The following ARF6 variants were observed in gnomAD, a reference collection of about 807,000 sequenced individuals.
The protein encoded by ARF6 is ADP-ribosylation factor 6.
For synonymous variants in ARF6, 127 were observed against 95.5 expected, an observed-to-expected ratio of 1.33 and a Z score of -1.92; for missense variants, 75 against 232.0, an observed-to-expected ratio of 0.32 and a Z score of 4.40.
rs183371046 is a variant in ARF6, at chr14:49,895,196, G to C, written c.*932G>C. 1.2e-5 allele frequency: 2 copies of C among 167,010 alleles called. No homozygotes were observed. Among genetic ancestry groups the C allele is most frequent in the African/African-American group, 2.4e-5 (1 of 41,570 alleles). The allele number at this position is 167,010 out of a possible 1,614,324, so 10.3% of individuals were successfully genotyped here. A position where few individuals can be genotyped will look rare whatever the true frequency, so the allele number is the denominator to read the frequency against. ...AGCAATAATGGTGTTACCACACACA[G>C]ATTAAATAATTTGTAGATATTTTAA... On this transcript the variant is annotated 3_prime_UTR_variant, in exon 2 of 2. Transcript: ENST00000298316.
chr14:49,894,338 T>C lies in ARF6; in HGVS notation c.*74T>C. ...TCATAGGATTATCGCCACCATCACC[T>C]CTTTCAATTGCCACTTTCTCTTCTT... On this transcript the variant is annotated 3_prime_UTR_variant, in exon 2 of 2. Coordinates refer to ENST00000298316, the MANE Select transcript of ARF6 (RefSeq NM_001663.4). The C allele has an allele frequency of 7.2e-7, 1 of 1,394,476 alleles. No homozygotes were observed. Among genetic ancestry groups the C allele is most frequent in the East Asian group, 2.5e-5 (1 of 39,950 alleles). 86.4% of individuals were successfully genotyped at this position (1,394,476 alleles called of 1,614,324 possible).
rs1306896309 is a variant in ARF6 at position 49,894,096 on chromosome 14, C to T, written c.360C>T (p.Phe120=). 3 of 1,614,030 alleles carry T rather than the reference C, an allele frequency of 1.9e-6. No homozygotes were observed. Among genetic ancestry groups the T allele is most frequent in the East Asian group, 2.2e-5 (1 of 44,886 alleles). ...REMRDAIILI[F]ANKQDLPDAM... is the part of the protein sequence containing the mutation. Reference sequence around the variant, plus strand: ...TGAGGGACGCCATAATCCTCATCTTCGCCAACAAGCAGGACCTGCCCGATG... The same window carrying T: ...TGAGGGACGCCATAATCCTCATCTTTGCCAACAAGCAGGACCTGCCCGATG... Residue 120 remains phenylalanine (F), a synonymous_variant, in exon 2 of 2, where the codon TTC becomes TTT. Transcript: ENST00000298316.
chr14:49,895,853 G>A lies in ARF6; in HGVS notation c.*1589G>A, dbSNP rs765686676. The stretch of plus-strand genomic sequence containing the variant: ...TAAAGCAGCATCTGGTTCCTATATA[G>A]CCTTAAGGATTAATTTTAGTGATCC... On this transcript the variant is annotated 3_prime_UTR_variant, in exon 2 of 2. Coordinates refer to ENST00000298316, the MANE Select transcript of ARF6 (RefSeq NM_001663.4). 2 of 166,844 alleles carry A rather than the reference G, an allele frequency of 1.2e-5. No homozygotes were observed. Among genetic ancestry groups the A allele is most frequent in the Admixed American group, 1.3e-4 (2 of 15,272 alleles). 10.3% of individuals were successfully genotyped at this position (166,844 alleles called of 1,614,324 possible).
rs1320837521 is a variant in ARF6 at position 49,896,954 on chromosome 14, T to A, written c.*2690T>A. On this transcript the variant is annotated 3_prime_UTR_variant, in exon 2 of 2. Coordinates refer to ENST00000298316, the MANE Select transcript of ARF6 (RefSeq NM_001663.4). ...AAGTAAATGAGTCTGTAGACTGTGA[T>A]CTCCCCAAACTAAAAAGTACAGTAC... The A allele has an allele frequency of 6.0e-6, 1 of 167,074 alleles. No individual in the cohort carries two copies. Among genetic ancestry groups the A allele is most frequent in the Non-Finnish European group, 1.5e-5 (1 of 68,100 alleles). The allele number at this position is 167,074 out of a possible 1,614,324, so 10.3% of individuals were successfully genotyped here.
In ARF6 at chr14:49,893,684, G is replaced by T. The variant is rs1894480934; in HGVS notation, c.-53G>T. Reference sequence around the variant, plus strand: ...TTTCGCGGCGGCGGCGGCGTTGTTGGCTGAGGGGACCCGGGACACCTGAAT... The same window carrying T: ...TTTCGCGGCGGCGGCGGCGTTGTTGTCTGAGGGGACCCGGGACACCTGAAT... On this transcript the variant is annotated 5_prime_UTR_variant, in exon 2 of 2. Coordinates refer to ENST00000298316, the MANE Select transcript of ARF6 (RefSeq NM_001663.4). 7.6e-6 allele frequency: 12 copies of T among 1,578,648 alleles called. No individual in the cohort carries two copies. The South Asian group carries it at 1.4e-4, about 18-fold the overall frequency.
chr14:49,894,295 G>A lies in ARF6; in HGVS notation c.*31G>A, dbSNP rs757165904. The A allele has an allele frequency of 1.2e-5, 19 of 1,558,634 alleles. No individual in the cohort carries two copies. Among genetic ancestry groups the A allele is most frequent in the Middle Eastern group, 1.7e-4 (1 of 5,842 alleles). On this transcript the variant is annotated 3_prime_UTR_variant, in exon 2 of 2. Transcript: ENST00000298316. ...ATTCTCCACCCATCCCCTGGAAGGA[G>A]AGAAATCAAAAACCCATTCATAGGA...
In ARF6 at chr14:49,893,706, G is replaced by T. The variant is rs1894481510; in HGVS notation, c.-31G>T. On this transcript the variant is annotated 5_prime_UTR_variant, in exon 2 of 2. Coordinates refer to ENST00000298316, the MANE Select transcript of ARF6 (RefSeq NM_001663.4). ...TTGGCTGAGGGGACCCGGGACACCTGAATGCCCCCGGCCCCGGCTCCTCCG... is the reference window on the plus strand; with the variant it reads ...TTGGCTGAGGGGACCCGGGACACCTTAATGCCCCCGGCCCCGGCTCCTCCG... The T allele has an allele frequency of 6.3e-7, 1 of 1,599,108 alleles. No homozygotes were observed. The highest frequency in any genetic ancestry group is 8.6e-7 in the Non-Finnish European group (1 of 1,169,250).
At position 49,895,166 on chromosome 14, in the gene ARF6, A is replaced by AT. The variant is rs1366141031; in HGVS notation, c.*904dup. 1.2e-5 allele frequency: 2 copies of AT among 166,940 alleles called. No individual in the cohort carries two copies. The highest frequency in any genetic ancestry group is 4.8e-5 in the African/African-American group (2 of 41,456). The allele number at this position is 166,940 out of a possible 1,614,324, so 10.3% of individuals were successfully genotyped here. On this transcript the variant is annotated 3_prime_UTR_variant, in exon 2 of 2. Coordinates refer to ENST00000298316, the MANE Select transcript of ARF6 (RefSeq NM_001663.4). ...CTTTGAAAATAGACTCTTTCCAGAAATTGGAGCAATAATGGTGTTACCACA... is the reference window on the plus strand; with the variant it reads ...CTTTGAAAATAGACTCTTTCCAGAAATTTGGAGCAATAATGGTGTTACCACA...
Position 49,895,853 on chromosome 14 carries a change from G to C in ARF6, c.*1589G>C, listed in dbSNP as rs765686676. On this transcript the variant is annotated 3_prime_UTR_variant, in exon 2 of 2. Transcript: ENST00000298316. Reference sequence around the variant, plus strand: ...TAAAGCAGCATCTGGTTCCTATATAGCCTTAAGGATTAATTTTAGTGATCC... The same window carrying C: ...TAAAGCAGCATCTGGTTCCTATATACCCTTAAGGATTAATTTTAGTGATCC... The C allele has an allele frequency of 1.2e-5, 2 of 166,844 alleles. No individual in the cohort carries two copies. The highest frequency in any genetic ancestry group is 2.9e-5 in the Non-Finnish European group (2 of 68,096). 10.3% of individuals were successfully genotyped at this position (166,844 alleles called of 1,614,324 possible).
At position 49,896,598 on chromosome 14, in the gene ARF6, GAT is replaced by G. The variant is rs1481372607; in HGVS notation, c.*2335_*2336del. On this transcript the variant is annotated 3_prime_UTR_variant, in exon 2 of 2. Transcript: ENST00000298316. Reference sequence around the variant, plus strand: ...TGCTATTATTGAATGTTGCAGGTGAGATGTGGTTATTTTTAGTTTATTTGAAA... The same window carrying G: ...TGCTATTATTGAATGTTGCAGGTGAGGTGGTTATTTTTAGTTTATTTGAAA... The G allele has an allele frequency of 6.0e-6, 1 of 166,994 alleles. No individual in the cohort carries two copies. The highest frequency in any genetic ancestry group is 1.5e-5 in the Non-Finnish European group (1 of 68,064). The allele number at this position is 166,994 out of a possible 1,614,324, so 10.3% of individuals were successfully genotyped here.
Position 49,893,529 on chromosome 14 carries a change from G to T in ARF6, c.-208G>T. On this transcript the variant is annotated 5_prime_UTR_variant, in exon 2 of 2. Transcript: ENST00000298316. ...GCAGTCTCAGGGCCCGGGTGGCGGC[G>T]GCGACTGGAGAAATCAAGTTGTGCG... 1 of 598,014 alleles carries T rather than the reference G, an allele frequency of 1.7e-6. No homozygotes were observed. Among genetic ancestry groups the T allele is most frequent in the Non-Finnish European group, 2.9e-6 (1 of 348,618 alleles). 37.0% of individuals were successfully genotyped at this position (598,014 alleles called of 1,614,324 possible).
In ARF6 at chr14:49,896,521, T is replaced by G. The variant is rs1894525790; in HGVS notation, c.*2257T>G. On this transcript the variant is annotated 3_prime_UTR_variant, in exon 2 of 2. Coordinates refer to ENST00000298316, the MANE Select transcript of ARF6 (RefSeq NM_001663.4). ...GACAGATTGGTAGGCAGCCATTTTT[T>G]TGTGTCTTAAAATAACTGGGGGCAT... 6.0e-6 allele frequency: 1 copy of G among 167,092 alleles called. No homozygotes were observed. The highest frequency in any genetic ancestry group is 1.5e-5 in the Non-Finnish European group (1 of 68,096). 10.4% of individuals were successfully genotyped at this position (167,092 alleles called of 1,614,324 possible). A position where few individuals can be genotyped will look rare whatever the true frequency, so the allele number is the denominator to read the frequency against.
In ARF6 at chr14:49,894,310, C is replaced by T. The variant is rs1398274387; in HGVS notation, c.*46C>T. 6.6e-7 allele frequency: 1 copy of T among 1,521,000 alleles called. No individual in the cohort carries two copies. The allele number at this position is 1,521,000 out of a possible 1,614,324, so 94.2% of individuals were successfully genotyped here. On this transcript the variant is annotated 3_prime_UTR_variant, in exon 2 of 2. Coordinates refer to ENST00000298316, the MANE Select transcript of ARF6 (RefSeq NM_001663.4). Reference sequence around the variant, plus strand: ...CCTGGAAGGAGAGAAATCAAAAACCCATTCATAGGATTATCGCCACCATCA... The same window carrying T: ...CCTGGAAGGAGAGAAATCAAAAACCTATTCATAGGATTATCGCCACCATCA...
chr14:49,893,456 G>A lies in ARF6; in HGVS notation c.-281G>A. On this transcript the variant is annotated 5_prime_UTR_variant, in exon 2 of 2. Transcript: ENST00000298316. The stretch of plus-strand genomic sequence containing the variant: ...GCTCGCGCGGCGCCTGCGGGGGGAA[G>A]GGCAGTTCCGGGCCGGGCCGCGCCT... The A allele has an allele frequency of 3.2e-6, 1 of 308,756 alleles. No homozygotes were observed. Among genetic ancestry groups the A allele is most frequent in the East Asian group, 6.4e-5 (1 of 15,706 alleles). 19.1% of individuals were successfully genotyped at this position (308,756 alleles called of 1,614,324 possible). A position where few individuals can be genotyped will look rare whatever the true frequency, so the allele number is the denominator to read the frequency against.
Position 49,893,849 on chromosome 14 carries a change from C to T in ARF6, c.113C>T (p.Ser38Leu), listed in dbSNP as rs1481108894. 1.2e-6 allele frequency: 2 copies of T among 1,614,234 alleles called. No individual in the cohort carries two copies. The highest frequency in any genetic ancestry group is 1.7e-6 in the Non-Finnish European group (2 of 1,180,038). Residue 38 changes from serine to leucine, a missense_variant, in exon 2 of 2, where the codon TCG becomes TTG. Physicochemically the swap from Ser to Leu is moderately radical, Grantham distance 145 (BLOSUM62 -2). Transcript: ENST00000298316. ...CTGTACAAGTTGAAGCTGGGCCAGTCGGTGACCACCATTCCCACTGTGGGT... is the reference window on the plus strand; with the variant it reads ...CTGTACAAGTTGAAGCTGGGCCAGTTGGTGACCACCATTCCCACTGTGGGT... ...TILYKLKLGQ[S>L]VTTIPTVGFN... is the part of the protein sequence containing the mutation.
chr14:49,896,895 G>GT lies in ARF6; in HGVS notation c.*2632dup, dbSNP rs1006993609. 6 of 167,028 alleles carry GT rather than the reference G, an allele frequency of 3.6e-5. No individual in the cohort carries two copies. The highest frequency in any genetic ancestry group is 1.4e-4 in the African/African-American group (6 of 41,444). The allele number at this position is 167,028 out of a possible 1,614,324, so 10.3% of individuals were successfully genotyped here. A position where few individuals can be genotyped will look rare whatever the true frequency, so the allele number is the denominator to read the frequency against. On this transcript the variant is annotated 3_prime_UTR_variant, in exon 2 of 2. Coordinates refer to ENST00000298316, the MANE Select transcript of ARF6 (RefSeq NM_001663.4). Reference sequence around the variant, plus strand: ...TATTTATGTGAATTTATAAACTGCAGTAAGTTTTGAATGAGGTTAATCTTG... The same window carrying GT: ...TATTTATGTGAATTTATAAACTGCAGTTAAGTTTTGAATGAGGTTAATCTTG...
At position 49,895,433 on chromosome 14, in the gene ARF6, A is replaced by G. The variant is rs1177390432; in HGVS notation, c.*1169A>G. 2 of 167,260 alleles carry G rather than the reference A, an allele frequency of 1.2e-5. No homozygotes were observed. Among genetic ancestry groups the G allele is most frequent in the Admixed American group, 6.5e-5 (1 of 15,304 alleles). The allele number at this position is 167,260 out of a possible 1,614,324, so 10.4% of individuals were successfully genotyped here. ...AAGCTGAAGCTGTAAGTCATTTTTT[A>G]TAGATGAGTGATCCGCATCTCCATC... On this transcript the variant is annotated 3_prime_UTR_variant, in exon 2 of 2. Coordinates refer to ENST00000298316, the MANE Select transcript of ARF6 (RefSeq NM_001663.4).
In ARF6 at chr14:49,894,280, C is replaced by T; in HGVS notation, c.*16C>T. ...CAAATCTTAATGAGCATTCTCCACC[C>T]ATCCCCTGGAAGGAGAGAAATCAAA... On this transcript the variant is annotated 3_prime_UTR_variant, in exon 2 of 2. Coordinates refer to ENST00000298316, the MANE Select transcript of ARF6 (RefSeq NM_001663.4). 1 of 1,589,134 alleles carries T rather than the reference C, an allele frequency of 6.3e-7. No homozygotes were observed. Among genetic ancestry groups the T allele is most frequent in the Admixed American group, 1.7e-5 (1 of 57,448 alleles).
chr14:49,896,348 A>T lies in ARF6; in HGVS notation c.*2084A>T, dbSNP rs1189528635. On this transcript the variant is annotated 3_prime_UTR_variant, in exon 2 of 2. Coordinates refer to ENST00000298316, the MANE Select transcript of ARF6 (RefSeq NM_001663.4). Reference sequence around the variant, plus strand: ...AATTTTTAGTGTTTCAAATGATTGCATTTTAAAGTATATAAATATGGGTTA... The same window carrying T: ...AATTTTTAGTGTTTCAAATGATTGCTTTTTAAAGTATATAAATATGGGTTA... The T allele has an allele frequency of 1.2e-5, 2 of 167,072 alleles. No individual in the cohort carries two copies. The highest frequency in any genetic ancestry group is 2.9e-5 in the Non-Finnish European group (2 of 68,096). 10.3% of individuals were successfully genotyped at this position (167,072 alleles called of 1,614,324 possible). A position where few individuals can be genotyped will look rare whatever the true frequency, so the allele number is the denominator to read the frequency against.
Sources: gnomAD v4.1 joint callset for allele counts on GRCh38, gnomAD v4.1.1 for gene constraint, MANE v1.5 for transcripts, NCBI Gene and HGNC (gene_info 2026-07-23, HGNC 2026-07-21) for gene names.